RREB1: variants seen among roughly 807,000 people sequenced by gnomAD.
RREB1 encodes the protein ras-responsive element-binding protein 1.
Under a neutral mutation model 117.8 loss-of-function variants are expected in RREB1, and 27 were observed. That is an observed-to-expected ratio of 0.23 (90% CI 0.17 to 0.32). RREB1 has a LOEUF of 0.32. Ranked by LOEUF, RREB1 falls within the 10% of genes least tolerant of loss-of-function variation. RREB1 has a pLI of 1.00. For missense variants in RREB1, 2,577 were observed against 2,378.2 expected (o/e 1.08, Z -1.74); for synonymous variants, 1,298 against 1,026.7 (o/e 1.26, Z -5.05).
At chr6:7,164,893 A>T (rs1294061675) in intron 1 of RREB1, among the ~76,000 whole-genome samples, 2 of 152,250 alleles carry the variant, frequency 1.3e-5, no homozygotes, top group African/African-American at 4.8e-5. Flanking sequence ...TGGTTAAAGG[A>T]CGCTATTAAA....
At chr6:7,120,369 A>C (rs1375206889) in intron 1 of RREB1, among the ~76,000 whole-genome samples, 2 of 152,054 alleles carry the variant, frequency 1.3e-5, no homozygotes, top group Non-Finnish European at 2.9e-5. Context: ...TGGGAGGATC[A>C]CTTGAACCCA....
intron 1 of RREB1, among the ~76,000 whole-genome samples, chr6:7,155,877 T>G (rs530521603): frequency 6.6e-6 from 1 of 152,234 alleles, no homozygotes; most frequent in Non-Finnish European, 1.5e-5. Context: ...TGTATTCCCT[T>G]GGCTTCTTTG....
chr6:7,167,292 T>C (rs1270308632), intron 1 of RREB1, among the ~76,000 whole-genome samples: 1 of 152,096 alleles, frequency 6.6e-6, no homozygotes, highest in African/African-American at 2.4e-5. Context: ...GGGATTGCAT[T>C]TGGGAAAAGC....
chr6:7,211,181 C>A (rs556177393), intron 7 of RREB1, among the ~76,000 whole-genome samples: 2 of 152,306 alleles, frequency 1.3e-5, no homozygotes, highest in Admixed American at 6.5e-5. Context: ...CAATTGTTTC[C>A]ATGCTTTCTA....
rs1766547272 is a variant in RREB1 at position 7,210,909 on chromosome 6, T to C, written c.531T>C (p.Asp177=). 6.2e-7 allele frequency: 1 copy of C among 1,614,202 alleles called. No homozygotes were observed. Residue 177 remains aspartate, a synonymous_variant, in exon 7 of 13, where the codon GAT becomes GAC. Transcript: ENST00000379938. The part of the protein sequence containing the change: ...RLSSKRKLSH[D]AESEREDPAP... ...CCTCCAAGAGGAAACTGAGTCACGA[T>C]GCCGAGTCAGAGAGAGAAGACCCAG...
chr6:7,134,435 G>A (rs1762269889), intron 1 of RREB1, among the ~76,000 whole-genome samples: 1 of 152,118 alleles, frequency 6.6e-6, no homozygotes, highest in Non-Finnish European at 1.5e-5. Flanking sequence ...ATTTTTACTG[G>A]ATGTTTTTCT....
At chr6:7,188,888 C>T (rs79330569) in intron 5 of RREB1, among the ~76,000 whole-genome samples, 4 of 152,142 alleles carry the variant, frequency 2.6e-5, no homozygotes, top group African/African-American at 9.7e-5. Context: ...TGGTTCAAAG[C>T]AAGACCTGGG....
At chr6:7,122,915 A>G (rs775278676) in intron 1 of RREB1, among the ~76,000 whole-genome samples, 1 of 152,148 alleles carries the variant, frequency 6.6e-6, no homozygotes, top group Non-Finnish European at 1.5e-5. Flanking sequence ...GTATCAGCTC[A>G]CTTTTGGATA....
chr6:7,251,418 C>G lies in RREB1; in HGVS notation c.*2450C>G, dbSNP rs1196810534. On this transcript the variant is annotated 3_prime_UTR_variant, in exon 13 of 13. Coordinates refer to ENST00000379938, the MANE Select transcript of RREB1 (RefSeq NM_001003699.4). ...TTTGTTTGATTCTCTTTCTCCTTCT[C>G]TCAGGGCTTTTACAAAAAAATATAT... The G allele has an allele frequency of 6.6e-6, 1 of 150,596 alleles. No individual in the cohort carries two copies. Among genetic ancestry groups the G allele is most frequent in the East Asian group, 1.9e-4 (1 of 5,168 alleles). 9.3% of individuals were successfully genotyped at this position (150,596 alleles called of 1,614,324 possible).
At chr6:7,197,242 A>C (rs1056940842) in intron 6 of RREB1, among the ~76,000 whole-genome samples, 30 of 152,226 alleles carry the variant, frequency 2.0e-4, no homozygotes, top group Non-Finnish European at 2.9e-5. Context: ...AAAATAGGAA[A>C]TTAATTTTCA....
chr6:7,219,513 TG>T (rs1767116039), intron 8 of RREB1, among the ~76,000 whole-genome samples: 1 of 152,136 alleles, frequency 6.6e-6, no homozygotes, highest in Non-Finnish European at 1.5e-5. Context: ...GCTGGCGGGT[TG>T]GGTCTCTGTG....
In RREB1 at chr6:7,247,055, G is replaced by A. The variant is rs187170823; in HGVS notation, c.4605G>A (p.Ala1535=). 6.8e-6 allele frequency: 11 copies of A among 1,613,248 alleles called. No individual in the cohort carries two copies. The highest frequency in any genetic ancestry group is 4.5e-5 in the East Asian group (2 of 44,802). Residue 1535 remains alanine (A), a synonymous_variant, in exon 12 of 13, where the codon GCG becomes GCA. Coordinates refer to ENST00000379938, the MANE Select transcript of RREB1 (RefSeq NM_001003699.4). ...AGGGCCCCTCCGACGGGGAGAGCGCGGCCGAGAAAAGGTCCTCAGAGAAGA... is the reference window on the plus strand; with the variant it reads ...AGGGCCCCTCCGACGGGGAGAGCGCAGCCGAGAAAAGGTCCTCAGAGAAGA... ...ETEGPSDGES[A]AEKRSSEKSD...
intron 4 of RREB1, chr6:7,183,882 C>A (rs899146231): frequency 6.6e-6 from 1 of 152,196 alleles, no homozygotes; most frequent in Non-Finnish European, 1.5e-5. Context: ...TGGGGAAAGT[C>A]CCATTGGTGT....
At position 7,231,268 on chromosome 6, in the gene RREB1, C is replaced by T. The variant is rs770668727; in HGVS notation, c.3169C>T (p.Pro1057Ser). Reference protein sequence around the residue: ...PKPPLLLPKPPVTEELPPLAS... With the variant: ...PKPPLLLPKPSVTEELPPLAS... ...GCCCCCGCTGCTTTTGCCAAAGCCC[C>T]CCGTGACAGAAGAGCTGCCCCCGCT... The change falls in exon 10 of 13, where the codon CCC becomes TCC. Residue 1057 changes from proline (P) to serine (S), a missense_variant. Pro to Ser is a moderately conservative substitution (Grantham distance 74). Coordinates refer to ENST00000379938, the MANE Select transcript of RREB1 (RefSeq NM_001003699.4). 23 of 1,612,152 alleles carry T rather than the reference C, an allele frequency of 1.4e-5. No homozygotes were observed. The highest frequency in any genetic ancestry group is 2.2e-5 in the East Asian group (1 of 44,888).
chr6:7,146,796 G>A (rs1762885254), intron 1 of RREB1, among the ~76,000 whole-genome samples: 1 of 151,400 alleles, frequency 6.6e-6, no homozygotes, highest in Non-Finnish European at 1.5e-5. Flanking sequence ...AGGAGGTGGT[G>A]GGGGAGGGAG....
At chr6:7,208,929 G>T (rs1049487497) in intron 6 of RREB1, among the ~76,000 whole-genome samples, 11 of 152,166 alleles carry the variant, frequency 7.2e-5, no homozygotes, top group Non-Finnish European at 1.0e-4. Context: ...TGAGCTCAGA[G>T]TTGGTGCACA....
chr6:7,204,052 C>CGTGGAATTCCCACA, intron 6 of RREB1, among the ~76,000 whole-genome samples: 2 of 152,304 alleles, frequency 1.3e-5, no homozygotes, highest in Admixed American at 1.3e-4. Flanking sequence ...ATTCCCACAG[C>CGTGGAATTCCCACA]GAGCCTACAG....
At chr6:7,239,672 C>G (rs1352388557) in intron 10 of RREB1, among the ~76,000 whole-genome samples, 1 of 152,224 alleles carries the variant, frequency 6.6e-6, no homozygotes, top group Non-Finnish European at 1.5e-5. Flanking sequence ...TTCACATGCA[C>G]ATCTGTTGAG....
At chr6:7,123,968 C>T (rs1162593256) in intron 1 of RREB1, among the ~76,000 whole-genome samples, 1 of 152,062 alleles carries the variant, frequency 6.6e-6, no homozygotes, top group African/African-American at 2.4e-5. Context: ...TACCCAAAGG[C>T]CTGTCATCTT....
Sources: allele counts gnomAD v4.1 joint callset (sites outside exome capture counted in the v4.1 genomes callset), GRCh38; gene constraint gnomAD v4.1.1; transcripts MANE v1.5; gene names NCBI Gene and HGNC (gene_info 2026-07-23, HGNC 2026-07-21).